The following SPATA13 variants were observed in gnomAD, a reference collection of about 807,000 sequenced individuals.
The protein encoded by SPATA13 is spermatogenesis associated 13.
In SPATA13, 50 loss-of-function variants were observed where a neutral mutation model predicts 104.0. The ratio of observed to expected loss-of-function variants is 0.48; its 90% CI spans 0.38 to 0.61. SPATA13 has a LOEUF of 0.61. Ranked by LOEUF, SPATA13 falls within the 20% of genes least tolerant of loss-of-function variation. SPATA13 has a pLI of 0.00. For missense variants in SPATA13, 1,524 were observed against 1,690.6 expected (o/e 0.90, Z 1.73); for synonymous variants, 606 against 667.5 (o/e 0.91, Z 1.42).
intron 2 of SPATA13, among the ~76,000 whole-genome samples, chr13:24,240,323 C>T (rs763674823): frequency 3.3e-5 from 5 of 151,902 alleles, no homozygotes; most frequent in Admixed American, 1.3e-4. Context: ...ATCTCAGTGT[C>T]GTGTTACTAT....
chr13:23,987,475 T>A (rs1216664355), intron 2 of SPATA13, among the ~76,000 whole-genome samples: 1 of 152,238 alleles, frequency 6.6e-6, no homozygotes, highest in Non-Finnish European at 1.5e-5. Flanking sequence ...GCTCTGGGAA[T>A]CTGCCAAAAT....
At chr13:24,230,039 A>G (rs1221143744) in intron 2 of SPATA13, among the ~76,000 whole-genome samples, 2 of 152,234 alleles carry the variant, frequency 1.3e-5, no homozygotes, top group African/African-American at 2.4e-5. Context: ...ACAGATGGTT[A>G]TGGAGAGGAC....
chr13:24,134,409 G>C (rs1881488435), intron 3 of SPATA13, among the ~76,000 whole-genome samples: 1 of 152,320 alleles, frequency 6.6e-6, no homozygotes, highest in African/African-American at 2.4e-5. Flanking sequence ...ACTTCTTGCT[G>C]TTGTTTATCA....
At chr13:24,028,989 A>AT (rs901976572) in intron 3 of SPATA13, among the ~76,000 whole-genome samples, 2 of 151,008 alleles carry the variant, frequency 1.3e-5, no homozygotes, top group African/African-American at 4.9e-5. Flanking sequence ...CTGGGCCAGT[A>AT]TTTTTTTCTT....
intron 4 of SPATA13, among the ~76,000 whole-genome samples, chr13:24,263,245 T>C (rs1874144284): frequency 6.6e-6 from 1 of 152,222 alleles, no homozygotes; most frequent in Non-Finnish European, 1.5e-5. Context: ...CAATAAAGAA[T>C]CAGAGGGAAA....
chr13:24,017,137 A>T (rs1311226283), intron 2 of SPATA13, among the ~76,000 whole-genome samples: 1 of 152,240 alleles, frequency 6.6e-6, no homozygotes, highest in Non-Finnish European at 1.5e-5. Context: ...TCAGTAGATG[A>T]GTGAGCACTC....
At chr13:24,264,347 C>G (rs1484184505) in intron 4 of SPATA13, among the ~76,000 whole-genome samples, 1 of 152,060 alleles carries the variant, frequency 6.6e-6, no homozygotes, top group Non-Finnish European at 1.5e-5. Context: ...AGCGAACCAC[C>G]ACCAAGAGCC....
chr13:24,157,561 A>G (rs558385830), upstream of SPATA13, among the ~76,000 whole-genome samples: 213 of 152,188 alleles, frequency 1.4e-3, no homozygotes, highest in African/African-American at 5.0e-3. Context: ...TGGCCTCCCA[A>G]AGTGCTGGGA....
chr13:23,980,326 C>T lies in SPATA13; in HGVS notation c.-354+402C>T, dbSNP rs1874823202. ...CAGCGGGGGAGGGGCCGAGCCGCAG[C>T]GTGGCTGTGTTGCCGGGCGACGGAG... On this transcript the variant is annotated intron_variant, in intron 1 of 14. Transcript: ENST00000424834. 2.6e-5 allele frequency among the ~76,000 whole-genome samples: 4 copies of T among 152,306 alleles called. No homozygotes were observed. In the South Asian group the frequency reaches 8.3e-4, roughly 32 times the overall value.
At chr13:24,124,880 A>AT (rs991272997) in intron 3 of SPATA13, among the ~76,000 whole-genome samples, 10 of 151,774 alleles carry the variant, frequency 6.6e-5, no homozygotes, top group Non-Finnish European at 1.5e-4. Flanking sequence ...TTTTTGTCTT[A>AT]TTTTTTTTCT....
chr13:24,082,841 A>AC (rs1566096807), intron 3 of SPATA13, among the ~76,000 whole-genome samples: 3 of 150,530 alleles, frequency 2.0e-5, no homozygotes, highest in Non-Finnish European at 4.4e-5. Flanking sequence ...AAAAAAAAAA[A>AC]AAAAAAAAAA....
At chr13:24,204,252 AT>A in intron 1 of SPATA13, among the ~76,000 whole-genome samples, 1 of 152,296 alleles carries the variant, frequency 6.6e-6, no homozygotes, top group South Asian at 2.1e-4. Flanking sequence ...TGTTACTGTT[AT>A]CCACATTTTT....
intron 1 of SPATA13, among the ~76,000 whole-genome samples, chr13:24,215,446 G>A (rs1871220891): frequency 6.6e-6 from 1 of 152,156 alleles, no homozygotes; most frequent in African/African-American, 2.4e-5. Context: ...GGTCTGTGGG[G>A]ACATCCCCTA....
chr13:24,091,771 C>A (rs1566100164), intron 3 of SPATA13, among the ~76,000 whole-genome samples: 1 of 152,100 alleles, frequency 6.6e-6, no homozygotes, highest in Non-Finnish European at 1.5e-5. Flanking sequence ...AGATCATGCC[C>A]TTGGGTGACA....
chr13:23,991,552 C>T (rs375862336), intron 2 of SPATA13, among the ~76,000 whole-genome samples: 4 of 152,116 alleles, frequency 2.6e-5, no homozygotes, highest in South Asian at 4.1e-4. Flanking sequence ...GCAAAGTTAG[C>T]GAGCCCCGGC....
In SPATA13 at chr13:24,088,518, T is replaced by C. The variant is rs1173972179; in HGVS notation, c.-112+70817T>C. Among the ~76,000 whole-genome samples, 1 of 151,932 alleles carries C rather than the reference T, an allele frequency of 6.6e-6. No homozygotes were observed. The highest frequency in any genetic ancestry group is 1.5e-5 in the Non-Finnish European group (1 of 67,962). ...TGGGCACCATGTGTTGATCGTTGGG[T>C]CCACAGCCCAAAGACTGGCAGAATC... On this transcript the variant is annotated intron_variant, in intron 3 of 14. Transcript: ENST00000424834. This position sits in a 1 kb window ranked among gnomAD's most constrained non-coding sequence, Gnocchi z 4.3.
intron 1 of SPATA13, among the ~76,000 whole-genome samples, chr13:24,209,119 G>A (rs1870872212): frequency 6.6e-6 from 1 of 152,122 alleles, no homozygotes. Context: ...TGCAGAGATA[G>A]ACATCATGAG....
At chr13:23,981,226 T>G (rs897814789) in intron 1 of SPATA13, among the ~76,000 whole-genome samples, 1 of 152,200 alleles carries the variant, frequency 6.6e-6, no homozygotes, top group Non-Finnish European at 1.5e-5. Context: ...TAGGTGATTT[T>G]GTCTTACTAT....
At chr13:24,206,080 G>A (rs1342446984) in intron 1 of SPATA13, among the ~76,000 whole-genome samples, 1 of 152,136 alleles carries the variant, frequency 6.6e-6, no homozygotes, top group African/African-American at 2.4e-5. Context: ...TGACAAATGG[G>A]ATCTAATTAC....
Sources: gnomAD v4.1 joint callset for allele counts (sites outside exome capture counted in the v4.1 genomes callset) on GRCh38, gnomAD v4.1.1 for gene constraint, Gnocchi (gnomAD v3.1) non-coding constraint, MANE v1.5 for transcripts, NCBI Gene and HGNC (gene_info 2026-07-23, HGNC 2026-07-21) for gene names.